The following ADAMTSL3 variants were observed in gnomAD, a reference collection of about 807,000 sequenced individuals.
ADAMTSL3 encodes the protein ADAMTS like 3.
In ADAMTSL3, 128 loss-of-function variants were observed where a neutral mutation model predicts 201.7. That is an observed-to-expected ratio of 0.63 (90% CI 0.55 to 0.73). ADAMTSL3 has a LOEUF of 0.73. Ranked by LOEUF, ADAMTSL3 falls within the 30% of genes least tolerant of loss-of-function variation. The pLI is 0.00. For synonymous variants in ADAMTSL3, 738 were observed against 748.4 expected (o/e 0.99, Z 0.23); for missense variants, 1,990 against 2,119.6 (o/e 0.94, Z 1.20).
intron 4 of ADAMTSL3, among the ~76,000 whole-genome samples, chr15:83,776,392 A>G (rs12908587): frequency 0.17 from 26,321 of 152,212 alleles, 2,554 homozygotes; most frequent in Middle Eastern, 0.32. Context: ...GAGACAAACA[A>G]TAAACAAACA....
intron 8 of ADAMTSL3, 43 bp from the exon 9 acceptor site, chr15:83,870,759 C>CT (rs1174717099): frequency 6.8e-7 from 1 of 1,471,974 alleles, no homozygotes; most frequent in Admixed American, 2.2e-5. Context: ...AATAAAATAC[C>CT]TTTAAGATTG....
At chr15:83,812,505 G>A (rs997150695) in intron 5 of ADAMTSL3, among the ~76,000 whole-genome samples, 3 of 152,200 alleles carry the variant, frequency 2.0e-5, no homozygotes, top group African/African-American at 7.2e-5. Flanking sequence ...TAAAAGCCCT[G>A]TATTAAGGGA....
intron 25 of ADAMTSL3, among the ~76,000 whole-genome samples, chr15:84,018,442 A>G (rs1329860826): frequency 2.6e-5 from 4 of 152,204 alleles, no homozygotes; most frequent in African/African-American, 9.6e-5. Flanking sequence ...GTAAACAAAT[A>G]AGTATTTAAG....
chr15:83,972,561 A>G lies in ADAMTSL3; in HGVS notation c.2644+1924A>G, dbSNP rs76803030. ...TACAACGTGGTTATTATGGCATCCA[A>G]TGTGGTACAAGATGAAATTATAAAT... On this transcript the variant is annotated intron_variant, in intron 20 of 29. Transcript: ENST00000286744. Among the ~76,000 whole-genome samples the G allele has an allele frequency of 2.6e-3, 390 of 152,306 alleles. 1 individual carries two copies. Among genetic ancestry groups the G allele is most frequent in the African/African-American group, 8.1e-3 (337 of 41,560 alleles).
At position 83,856,231 on chromosome 15, in the gene ADAMTSL3, G is replaced by C. The variant is rs1268967770; in HGVS notation, c.728-2535G>C. Among the ~76,000 whole-genome samples, 7 of 146,344 alleles carry C rather than the reference G, an allele frequency of 4.8e-5. No homozygotes were observed. The East Asian group carries it at 1.4e-3, about 30-fold the overall frequency. On this transcript the variant is annotated intron_variant, in intron 7 of 29. Transcript: ENST00000286744. ...TACCCAGGCTGGAGTGCAATGGGTTGATCATAGTTCACTGCAGCCTCAACC... is the reference window on the plus strand; with the variant it reads ...TACCCAGGCTGGAGTGCAATGGGTTCATCATAGTTCACTGCAGCCTCAACC...
In ADAMTSL3 at chr15:84,037,003, A is replaced by G; in HGVS notation, c.4969+16A>G. ...TCCTGTGATAGTACGTACACCTCCC[A>G]GGTATCTCCACTGCCCCAGAGGCCT... On this transcript the variant is annotated intron_variant, in intron 29 of 29. Transcript: ENST00000286744. The G allele has an allele frequency of 6.2e-7, 1 of 1,612,362 alleles. No homozygotes were observed. Among genetic ancestry groups the G allele is most frequent in the South Asian group, 1.1e-5 (1 of 90,824 alleles).
intron 6 of ADAMTSL3, among the ~76,000 whole-genome samples, chr15:83,821,657 C>G (rs1237109554): frequency 6.6e-5 from 10 of 152,198 alleles, no homozygotes; most frequent in Admixed American, 6.5e-5. Flanking sequence ...TACACAGACA[C>G]GGCAACCATC....
At chr15:83,694,369 G>C (rs2061652292) in intron 2 of ADAMTSL3, 1 of 152,224 alleles carries the variant, frequency 6.6e-6, no homozygotes, top group South Asian at 2.1e-4. Context: ...CTGGCGGAGA[G>C]TGAGGTAGGG....
chr15:83,897,639 T>C (rs575459205), intron 13 of ADAMTSL3, among the ~76,000 whole-genome samples: 1 of 152,328 alleles, frequency 6.6e-6, no homozygotes, highest in Admixed American at 6.5e-5. Flanking sequence ...TAAATACTTT[T>C]TGAATTGAGA....
chr15:83,829,493 A>AT (rs1262992421), intron 6 of ADAMTSL3, among the ~76,000 whole-genome samples: 6 of 151,926 alleles, frequency 3.9e-5, no homozygotes, highest in Admixed American at 1.3e-4. Flanking sequence ...GGATTCTTTG[A>AT]TTTTTTGAAG....
At chr15:83,768,518 A>G (rs1398924570) in intron 3 of ADAMTSL3, among the ~76,000 whole-genome samples, 4 of 152,316 alleles carry the variant, frequency 2.6e-5, no homozygotes, top group Middle Eastern at 3.4e-3. Flanking sequence ...AAGACTTAAA[A>G]TGTGCAAATT....
intron 16 of ADAMTSL3, among the ~76,000 whole-genome samples, chr15:83,917,511 T>G (rs2066058637): frequency 6.6e-6 from 1 of 152,164 alleles, no homozygotes; most frequent in South Asian, 2.1e-4. Flanking sequence ...AGATACATCA[T>G]GTGTGTGCAC....
chr15:83,957,407 C>G (rs2066882300), intron 19 of ADAMTSL3, among the ~76,000 whole-genome samples: 1 of 152,112 alleles, frequency 6.6e-6, no homozygotes, highest in South Asian at 2.1e-4. Context: ...ACATATAATT[C>G]TGGCTGCACT....
intron 17 of ADAMTSL3, among the ~76,000 whole-genome samples, chr15:83,927,194 G>A (rs1255417124): frequency 6.6e-6 from 1 of 151,220 alleles, no homozygotes; most frequent in African/African-American, 2.4e-5. Context: ...TCGGCCCACT[G>A]CAGCCTCTGC....
intron 6 of ADAMTSL3, among the ~76,000 whole-genome samples, chr15:83,820,568 C>G (rs4486845): frequency 6.6e-6 from 1 of 152,050 alleles, no homozygotes; most frequent in Non-Finnish European, 1.5e-5. Context: ...CTTTGAGAAC[C>G]GCTGTTTTGG....
intron 3 of ADAMTSL3, among the ~76,000 whole-genome samples, chr15:83,744,779 AG>A (rs2062516918): frequency 1.3e-5 from 2 of 152,224 alleles, no homozygotes; most frequent in African/African-American, 4.8e-5. Context: ...ATTTTCAGTC[AG>A]TGGTTTGTCA....
At chr15:83,993,216 T>C (rs1016816347) in intron 23 of ADAMTSL3, among the ~76,000 whole-genome samples, 10 of 152,198 alleles carry the variant, frequency 6.6e-5, no homozygotes, top group African/African-American at 2.4e-4. Flanking sequence ...GTCAGAAAAC[T>C]TGAGTTTTAC....
At chr15:83,815,503 A>G (rs554720682) in intron 5 of ADAMTSL3, among the ~76,000 whole-genome samples, 111 of 152,332 alleles carry the variant, frequency 7.3e-4, no homozygotes, top group Non-Finnish European at 1.2e-3. Context: ...CTGATAGGAA[A>G]AAAATGCTTC....
chr15:83,699,862 CT>C (rs1436680801), intron 2 of ADAMTSL3, among the ~76,000 whole-genome samples: 1 of 152,148 alleles, frequency 6.6e-6, no homozygotes, highest in African/African-American at 2.4e-5. Flanking sequence ...CCATGGATGC[CT>C]TTTTTGACCA....
Sources: allele counts gnomAD v4.1 joint callset (sites outside exome capture counted in the v4.1 genomes callset), GRCh38; gene constraint gnomAD v4.1.1; transcripts MANE v1.5; gene names NCBI Gene and HGNC (gene_info 2026-07-23, HGNC 2026-07-21).